ASIC5: variants seen among roughly 807,000 people sequenced by gnomAD.
ASIC5 encodes the protein bile acid-sensitive ion channel.
In ASIC5, 52 loss-of-function variants were observed where a neutral mutation model predicts 51.2. That is an observed-to-expected ratio of 1.02 (90% CI 0.81 to 1.28). ASIC5 has a LOEUF of 1.28. Among genes scored for constraint, ASIC5 ranks in the 50% most tolerant of loss-of-function variants. ASIC5 has a pLI of 0.00. For missense variants in ASIC5, 635 were observed against 595.0 expected, an observed-to-expected ratio of 1.07 and a Z score of -0.70; for synonymous variants, 231 against 200.7, an observed-to-expected ratio of 1.15 and a Z score of -1.28.
chr4:155,857,110 C>T, intron 2 of ASIC5, among the ~76,000 whole-genome samples: 1 of 151,860 alleles, frequency 6.6e-6, no homozygotes, highest in Non-Finnish European at 1.5e-5. Context: ...GTGTTTTGCA[C>T]TGAGTTTATT....
rs199737781 is a variant in ASIC5 at position 155,842,849 on chromosome 4, T to C, written c.862-495A>G. Among the ~76,000 whole-genome samples, 15 of 152,062 alleles carry C rather than the reference T, an allele frequency of 9.9e-5. No homozygotes were observed. The East Asian group carries it at 2.1e-3, about 22-fold the overall frequency. ...AGAAGGGTGAGGAAAATGGAATTTA[T>C]TGGGTGAAAAGAAAAAAAGAAAAAT... On this transcript the variant is annotated intron_variant, in intron 5 of 9. Transcript: ENST00000537611.
At chr4:155,857,009 T>C (rs974129045) in intron 2 of ASIC5, among the ~76,000 whole-genome samples, 2 of 152,094 alleles carry the variant, frequency 1.3e-5, no homozygotes, top group Non-Finnish European at 2.9e-5. Context: ...GTAATTTATA[T>C]AGATTAATTA....
intron 7 of ASIC5, among the ~76,000 whole-genome samples, chr4:155,837,602 T>C (rs1741015145): frequency 6.6e-6 from 1 of 152,172 alleles, no homozygotes; most frequent in South Asian, 2.1e-4. Flanking sequence ...GAATCAGTTG[T>C]TTACCAAGAC....
At chr4:155,832,692 T>C (rs1044225979) in intron 8 of ASIC5, among the ~76,000 whole-genome samples, 18 of 152,136 alleles carry the variant, frequency 1.2e-4, no homozygotes, top group African/African-American at 4.3e-4. Context: ...ACATTTCCCT[T>C]ATTTATAGTG....
At chr4:155,843,206 C>A (rs6845873) in intron 5 of ASIC5, among the ~76,000 whole-genome samples, 15,291 of 152,128 alleles carry the variant, frequency 0.1, 1,239 homozygotes, top group African/African-American at 0.22. Context: ...TTCACTTAAA[C>A]TTCCTTACTA....
Position 155,831,805 on chromosome 4 carries a change from G to A in ASIC5, c.1327+19C>T, listed in dbSNP as rs373926357. The stretch of plus-strand genomic sequence containing the variant: ...AATAAGTAAATAAATAAAATAAGGA[G>A]CAATTAAATAACACTTACCAAGTAA... On this transcript the variant is annotated intron_variant, in intron 9 of 9. Transcript: ENST00000537611. 2 of 1,406,934 alleles carry A rather than the reference G, an allele frequency of 1.4e-6. No individual in the cohort carries two copies. The highest frequency in any genetic ancestry group is 2.0e-6 in the Non-Finnish European group (2 of 999,088). The allele number at this position is 1,406,934 out of a possible 1,614,324, so 87.2% of individuals were successfully genotyped here.
In ASIC5 at chr4:155,842,254, G is replaced by C. The variant is rs780119823; in HGVS notation, c.962C>G (p.Ala321Gly). 1 of 1,613,670 alleles carries C rather than the reference G, an allele frequency of 6.2e-7. No homozygotes were observed. The highest frequency in any genetic ancestry group is 1.7e-5 in the Admixed American group (1 of 59,956). The change falls in exon 6 of 10, where the codon GCC becomes GGC. Residue 321 changes from alanine to glycine, a missense_variant. By Grantham distance (60) the Ala-to-Gly change is moderately conservative (BLOSUM62 0). Transcript: ENST00000537611. Reference protein sequence around the residue: ...STSGCLKECKAQHIKKQCGCV... With the variant: ...STSGCLKECKGQHIKKQCGCV... Reference sequence around the variant, plus strand: ...TCCACATTGCTTTTTTATGTGCTGGGCTTTGCATTCCTTCAAGCAACCAGA... The same window carrying C: ...TCCACATTGCTTTTTTATGTGCTGGCCTTTGCATTCCTTCAAGCAACCAGA...
In ASIC5 at chr4:155,831,905, C is replaced by G; in HGVS notation, c.1246G>C (p.Val416Leu). The G allele has an allele frequency of 6.4e-7, 1 of 1,560,296 alleles. No individual in the cohort carries two copies. The highest frequency in any genetic ancestry group is 8.8e-7 in the Non-Finnish European group (1 of 1,133,774). Reference protein sequence around the residue: ...QSRKYIRENLVKIEINYSDLN... With the variant: ...QSRKYIRENLLKIEINYSDLN... ...TCACTATAGTTAATTTCAATTTTTA[C>G]AAGATTCTCCCTAGGGATAAAAAAG... Residue 416 changes from valine (V) to leucine (L), a missense_variant, in exon 9 of 10, where the codon GTA becomes CTA. Transcript: ENST00000537611.
At chr4:155,854,023 T>C in intron 3 of ASIC5, 54 bp downstream of exon 3, 1 of 1,322,908 alleles carries the variant, frequency 7.6e-7, no homozygotes. Flanking sequence ...TGTGAAACAG[T>C]GCAGTAACGG....
intron 4 of ASIC5, among the ~76,000 whole-genome samples, chr4:155,851,600 AC>A (rs1357516603): frequency 1.3e-5 from 2 of 152,136 alleles, no homozygotes; most frequent in African/African-American, 4.8e-5. Flanking sequence ...TGGGAGCTAT[AC>A]TAGGAACCCT....
chr4:155,854,006 A>T (rs1741455925), intron 3 of ASIC5, 71 bp downstream of exon 3: 1 of 1,145,198 alleles, frequency 8.7e-7, no homozygotes. Flanking sequence ...ATGCCGTGGG[A>T]GCTCAATGTG....
At chr4:155,849,856 A>G (rs1016992866) in intron 4 of ASIC5, among the ~76,000 whole-genome samples, 2 of 152,096 alleles carry the variant, frequency 1.3e-5, no homozygotes, top group Non-Finnish European at 2.9e-5. Context: ...GCCACTTTTC[A>G]TACCTGCCTA....
At chr4:155,856,889 C>G (rs1741556144) in intron 2 of ASIC5, among the ~76,000 whole-genome samples, 2 of 151,900 alleles carry the variant, frequency 1.3e-5, no homozygotes, top group African/African-American at 4.8e-5. Flanking sequence ...AAAGGAATTA[C>G]TATACATATG....
rs1267504274 is a variant in ASIC5, at chr4:155,853,586, TATATAATATATACTA to T, written c.585+476_585+490del. On this transcript the variant is annotated intron_variant, in intron 3 of 9. Coordinates refer to ENST00000537611, the MANE Select transcript of ASIC5 (RefSeq NM_017419.3). ...AATATATACTAGTTATTATATATAA[TATATAATATATACTA>T]GTTATTATATATAATATATAATATA... Among the ~76,000 whole-genome samples the T allele has an allele frequency of 8.4e-5, 11 of 131,404 alleles. No individual in the cohort carries two copies. The East Asian group carries it at 2.8e-3, about 34-fold the overall frequency. 86.2% of individuals were successfully genotyped at this position (131,404 alleles called of 152,430 possible).
intron 4 of ASIC5, among the ~76,000 whole-genome samples, chr4:155,848,688 C>T (rs936569459): frequency 1.3e-5 from 2 of 151,950 alleles, no homozygotes; most frequent in African/African-American, 4.8e-5. Context: ...AGCTACAAAA[C>T]TCTAACAGGT....
At chr4:155,843,975 G>T in intron 4 of ASIC5, 145 bp from the exon 5 acceptor site, 1 of 849,432 alleles carries the variant, frequency 1.2e-6, no homozygotes, top group Non-Finnish European at 1.8e-6. Context: ...TTTGTCTAAA[G>T]TGTATGAAAA....
At chr4:155,850,311 G>A (rs1160270252) in intron 4 of ASIC5, among the ~76,000 whole-genome samples, 1 of 151,906 alleles carries the variant, frequency 6.6e-6, no homozygotes, top group Non-Finnish European at 1.5e-5. Flanking sequence ...TGACCTTGAA[G>A]CCTCCTCCCT....
chr4:155,836,238 C>T (rs1405817382), intron 8 of ASIC5, among the ~76,000 whole-genome samples: 1 of 152,166 alleles, frequency 6.6e-6, no homozygotes, highest in Non-Finnish European at 1.5e-5. Context: ...TTCTGGGCCC[C>T]TGACTACCTT....
At chr4:155,847,345 G>T (rs1741275436) in intron 4 of ASIC5, among the ~76,000 whole-genome samples, 1 of 152,000 alleles carries the variant, frequency 6.6e-6, no homozygotes, top group Non-Finnish European at 1.5e-5. Flanking sequence ...GTCTAAAAAG[G>T]ATACCAAGTC....
Sources: allele counts gnomAD v4.1 joint callset (sites outside exome capture counted in the v4.1 genomes callset), GRCh38; gene constraint gnomAD v4.1.1; transcripts MANE v1.5; gene names NCBI Gene and HGNC (gene_info 2026-07-23, HGNC 2026-07-21).